Variants in SIPA1L1 observed in about 807,000 individuals in gnomAD.
SIPA1L1 encodes signal induced proliferation associated 1 like 1, also known as signal-induced proliferation-associated 1-like protein 1.
A neutral mutation model predicts 162.7 loss-of-function variants in SIPA1L1; 26 were observed. That is an observed-to-expected ratio of 0.16 (90% confidence interval 0.12 to 0.22). The LOEUF is 0.22. SIPA1L1 is among the 10% of genes least tolerant of loss of function. The pLI is 1.00. For missense variants in SIPA1L1, 1,874 were observed against 2,241.0 expected (o/e 0.84, Z 3.31); for synonymous variants, 829 against 837.4 (o/e 0.99, Z 0.17).
intron 5 of SIPA1L1, among the ~76,000 whole-genome samples, chr14:71,612,391 A>T (rs1486969766): frequency 6.6e-6 from 1 of 152,150 alleles, no homozygotes; most frequent in African/African-American, 2.4e-5. Flanking sequence ...GATAGTAGCT[A>T]AGTTTTATTT....
intron 13 of SIPA1L1, among the ~76,000 whole-genome samples, chr14:71,693,508 A>G (rs950168293): frequency 1.2e-4 from 19 of 152,150 alleles, no homozygotes; most frequent in Non-Finnish European, 2.2e-4. Flanking sequence ...CAAAAAAAAA[A>G]GAACAGGATT....
At chr14:71,718,418 G>T (rs147976268) in intron 17 of SIPA1L1, among the ~76,000 whole-genome samples, 1 of 152,246 alleles carries the variant, frequency 6.6e-6, no homozygotes, top group East Asian at 1.9e-4. Flanking sequence ...CTGGGAGCTA[G>T]TGTCAGCCCA....
In SIPA1L1 at chr14:71,633,110, T is replaced by TA. The variant is rs1297298149; in HGVS notation, c.1818+8874_1818+8875insA. On this transcript the variant is annotated intron_variant, in intron 7 of 23. Transcript: ENST00000381232. ...TTTCAATGAGCAATTACAAGCATGA[T>TA]TGTTATGTTATGTTATGTTATGTTA... 9.8e-4 allele frequency among the ~76,000 whole-genome samples: 135 copies of TA among 137,448 alleles called. 1 individual carries two copies. The highest frequency in any genetic ancestry group is 3.5e-3 in the Middle Eastern group (1 of 282). 90.2% of individuals were successfully genotyped at this position (137,448 alleles called of 152,430 possible). A position where few individuals can be genotyped will look rare whatever the true frequency, so the allele number is the denominator to read the frequency against.
rs762476398 is a variant in SIPA1L1, at chr14:71,650,449, T to C, written c.1933T>C (p.Leu645=). The C allele has an allele frequency of 3.1e-6, 5 of 1,613,892 alleles. No homozygotes were observed. The highest frequency in any genetic ancestry group is 1.7e-5 in the Admixed American group (1 of 60,008). Residue 645 remains leucine, a synonymous_variant, in exon 8 of 24, where the codon TTG becomes CTG. Coordinates refer to ENST00000381232, the MANE Select transcript of SIPA1L1 (RefSeq NM_001386936.1). The part of the protein sequence containing the change: ...GPAFEEFLQL[L]GERVRLKGFE... Reference sequence around the variant, plus strand: ...AGCCTTTGAAGAATTTCTTCAACTATTGGGAGAGCGAGTTCGGCTCAAAGG... The same window carrying C: ...AGCCTTTGAAGAATTTCTTCAACTACTGGGAGAGCGAGTTCGGCTCAAAGG...
intron 2 of SIPA1L1, among the ~76,000 whole-genome samples, chr14:71,435,438 T>G (rs1595447881): frequency 1.3e-5 from 2 of 152,302 alleles, no homozygotes; most frequent in South Asian, 4.1e-4. Flanking sequence ...TGGTTTTTTG[T>G]CCTTGTGATA....
intron 8 of SIPA1L1, among the ~76,000 whole-genome samples, chr14:71,651,221 C>G (rs1464491943): frequency 5.3e-5 from 8 of 152,116 alleles, no homozygotes; most frequent in Non-Finnish European, 7.4e-5. Flanking sequence ...TGCTATGTGT[C>G]TGTGTGAAAG....
At chr14:71,417,768 T>C (rs1289150509) in intron 2 of SIPA1L1, among the ~76,000 whole-genome samples, 1 of 152,124 alleles carries the variant, frequency 6.6e-6, no homozygotes, top group Non-Finnish European at 1.5e-5. Flanking sequence ...GGGTCAACAG[T>C]GCTAGACAGT....
At chr14:71,481,124 A>G (rs2048322843) in intron 2 of SIPA1L1, among the ~76,000 whole-genome samples, 1 of 152,260 alleles carries the variant, frequency 6.6e-6, no homozygotes, top group Middle Eastern at 3.4e-3. Flanking sequence ...TGCCTTTGAG[A>G]TGTGATTTGA....
intron 10 of SIPA1L1, among the ~76,000 whole-genome samples, chr14:71,669,245 T>C (rs2044298703): frequency 6.6e-6 from 1 of 152,206 alleles, no homozygotes; most frequent in Admixed American, 6.5e-5. Flanking sequence ...ATTATAGCTG[T>C]TTCTAATTAT....
chr14:71,548,347 A>G (rs2055444057), intron 4 of SIPA1L1, among the ~76,000 whole-genome samples: 1 of 152,178 alleles, frequency 6.6e-6, no homozygotes, highest in Admixed American at 6.5e-5. Flanking sequence ...ATCATTTACA[A>G]AATTTGAAAT....
chr14:71,665,516 C>G (rs1278636090), intron 10 of SIPA1L1, among the ~76,000 whole-genome samples: 5 of 152,034 alleles, frequency 3.3e-5, no homozygotes, highest in Non-Finnish European at 7.4e-5. Context: ...ATTATCTGAT[C>G]CCAGTTGATA....
chr14:71,468,179 C>A (rs532503005), intron 2 of SIPA1L1, among the ~76,000 whole-genome samples: 1 of 152,190 alleles, frequency 6.6e-6, no homozygotes, highest in African/African-American at 2.4e-5. Context: ...GTTCTAGACC[C>A]TCTAAGGCAG....
intron 2 of SIPA1L1, among the ~76,000 whole-genome samples, chr14:71,497,230 C>T (rs2049861588): frequency 6.6e-6 from 1 of 152,038 alleles, no homozygotes; most frequent in African/African-American, 2.4e-5. Flanking sequence ...ATTTTTATTA[C>T]AATGGGGTCT....
intron 2 of SIPA1L1, among the ~76,000 whole-genome samples, chr14:71,370,786 C>T (rs1326819588): frequency 2.0e-5 from 3 of 152,118 alleles, no homozygotes; most frequent in Non-Finnish European, 4.4e-5. Flanking sequence ...GCTCAACAGT[C>T]GCCCAGGATT....
At chr14:71,399,647 C>T (rs906720346) in intron 2 of SIPA1L1, among the ~76,000 whole-genome samples, 3 of 152,150 alleles carry the variant, frequency 2.0e-5, no homozygotes, top group African/African-American at 7.2e-5. Context: ...GGCCTCAAAC[C>T]ATCCTCTCTT....
chr14:71,461,557 G>A (rs543829778), intron 2 of SIPA1L1, among the ~76,000 whole-genome samples: 50 of 152,282 alleles, frequency 3.3e-4, no homozygotes, highest in African/African-American at 1.2e-3. Context: ...ACCACTCAGA[G>A]GGGTCCATCC....
At chr14:71,458,287 C>A (rs186839151) in intron 2 of SIPA1L1, among the ~76,000 whole-genome samples, 12 of 152,066 alleles carry the variant, frequency 7.9e-5, no homozygotes, top group Admixed American at 6.6e-5. Context: ...GATTTTGGCA[C>A]TCTGAGATTT....
intron 2 of SIPA1L1, among the ~76,000 whole-genome samples, chr14:71,499,597 G>A (rs1453613516): frequency 1.3e-5 from 2 of 151,922 alleles, no homozygotes; most frequent in African/African-American, 2.4e-5. Flanking sequence ...ATTTTCCTCA[G>A]TTATTTTTGG....
intron 12 of SIPA1L1, among the ~76,000 whole-genome samples, chr14:71,681,818 A>G (rs887252758): frequency 6.6e-6 from 1 of 152,234 alleles, no homozygotes; most frequent in African/African-American, 2.4e-5. Flanking sequence ...GGAGAGAGTT[A>G]TGAGAAATAA....
Sources: allele counts gnomAD v4.1 joint callset (sites outside exome capture counted in the v4.1 genomes callset), GRCh38; gene constraint gnomAD v4.1.1; transcripts MANE v1.5; gene names NCBI Gene and HGNC (gene_info 2026-07-23, HGNC 2026-07-21).